CEMIP: variants seen among roughly 807,000 people sequenced by gnomAD.
CEMIP encodes cell migration inducing hyaluronidase 1, also known as cell migration-inducing and hyaluronan-binding protein.
A neutral mutation model predicts 156.9 loss-of-function variants in CEMIP; 105 were observed. The observed-to-expected ratio is 0.67, with a 90% confidence interval of 0.57 to 0.79. CEMIP has a LOEUF of 0.79. Among genes scored for constraint, CEMIP ranks in the 30% least tolerant of loss-of-function variants. The pLI is 0.00. For synonymous variants in CEMIP, 676 were observed against 668.4 expected, an observed-to-expected ratio of 1.01 and a Z score of -0.17; for missense variants, 1,457 against 1,769.4, an observed-to-expected ratio of 0.82 and a Z score of 3.17.
At chr15:80,938,067 T>A (rs1194452113) in intron 25 of CEMIP, 88 bp downstream of exon 25, 1 of 1,082,444 alleles carries the variant, frequency 9.2e-7, no homozygotes, top group Non-Finnish European at 1.4e-6. Flanking sequence ...AACAGCCATG[T>A]AGTTAATGCC....
At chr15:80,791,785 C>A (rs541072894) in intron 1 of CEMIP, among the ~76,000 whole-genome samples, 2 of 152,182 alleles carry the variant, frequency 1.3e-5, no homozygotes, top group Non-Finnish European at 2.9e-5. Context: ...ACATTTCTAA[C>A]TGCCTTGTTG....
intron 1 of CEMIP, among the ~76,000 whole-genome samples, chr15:80,815,972 T>A (rs917489318): frequency 1.3e-5 from 2 of 152,216 alleles, no homozygotes; most frequent in Non-Finnish European, 2.9e-5. Context: ...ATGAGTCCAT[T>A]ACCGGTGCCC....
chr15:80,943,062 C>A lies in CEMIP; in HGVS notation c.3817C>A (p.Pro1273Thr), dbSNP rs887351615. The A allele has an allele frequency of 1.9e-6, 3 of 1,614,120 alleles. No individual in the cohort carries two copies. The highest frequency in any genetic ancestry group is 2.5e-6 in the Non-Finnish European group (3 of 1,180,058). Residue 1273 changes from proline (P) to threonine (T), a missense_variant, in exon 28 of 30, where the codon CCA becomes ACA. Physicochemically the swap from Pro to Thr is conservative, Grantham distance 38 (BLOSUM62 -1). Transcript: ENST00000394685. ...SFRNSILQGI[P>T]WQLFNYVATI... is the part of the protein sequence containing the mutation. ...CAGGAACTCCATTCTGCAAGGCATA[C>A]CATGGCAGCTTTTCAACTATGTGGC... is the stretch of plus-strand genomic sequence containing the variant.
intron 12 of CEMIP, chr15:80,903,205 T>C (rs991687402): frequency 6.6e-6 from 1 of 152,272 alleles, no homozygotes; most frequent in Non-Finnish European, 1.5e-5. Flanking sequence ...TTAAGGTGGA[T>C]GCTGGCAAGT....
At chr15:80,866,949 GAGA>G (rs1356642606) in intron 1 of CEMIP, among the ~76,000 whole-genome samples, 1 of 152,088 alleles carries the variant, frequency 6.6e-6, no homozygotes, top group Non-Finnish European at 1.5e-5. Flanking sequence ...CAGAGTGACA[GAGA>G]AGATGACATG....
chr15:80,836,867 C>A (rs1243282217), intron 1 of CEMIP, among the ~76,000 whole-genome samples: 1 of 152,224 alleles, frequency 6.6e-6, no homozygotes, highest in East Asian at 1.9e-4. Flanking sequence ...TGCAGCAAGG[C>A]AGAATAATGT....
intron 1 of CEMIP, among the ~76,000 whole-genome samples, chr15:80,821,120 C>T (rs567643637): frequency 3.3e-5 from 5 of 152,356 alleles, no homozygotes; most frequent in Admixed American, 2.6e-4. Flanking sequence ...CTTCACTCAT[C>T]TGCTGGCCCC....
At chr15:80,846,498 G>A (rs1029653701) in intron 1 of CEMIP, among the ~76,000 whole-genome samples, 30 of 152,188 alleles carry the variant, frequency 2.0e-4, no homozygotes, top group African/African-American at 7.0e-4. Flanking sequence ...TCATGTGCTT[G>A]GCCGTCTGGG....
At chr15:80,900,533 C>T (rs538073668) in intron 12 of CEMIP, among the ~76,000 whole-genome samples, 35 of 150,544 alleles carry the variant, frequency 2.3e-4, no homozygotes, top group Non-Finnish European at 3.5e-4. Flanking sequence ...CTGTGAGGCC[C>T]CCATGAAAAC....
chr15:80,782,784 T>C (rs879529387), intron 1 of CEMIP, among the ~76,000 whole-genome samples: 40 of 152,242 alleles, frequency 2.6e-4, no homozygotes, highest in Middle Eastern at 3.2e-3. Flanking sequence ...GCTCAGAATC[T>C]TTCTATGAGA....
intron 1 of CEMIP, among the ~76,000 whole-genome samples, chr15:80,861,902 C>T (rs1897996105): frequency 6.6e-6 from 1 of 152,226 alleles, no homozygotes; most frequent in Non-Finnish European, 1.5e-5. Context: ...AGAGGCTCAT[C>T]TTACCTTTGA....
At chr15:80,810,990 T>C (rs898829199) in intron 1 of CEMIP, among the ~76,000 whole-genome samples, 1 of 152,130 alleles carries the variant, frequency 6.6e-6, no homozygotes, top group Admixed American at 6.6e-5. Context: ...AACCTACCCA[T>C]CACGCAGACA....
chr15:80,908,324 A>G (rs1899891783), intron 13 of CEMIP, among the ~76,000 whole-genome samples: 1 of 152,212 alleles, frequency 6.6e-6, no homozygotes, highest in Admixed American at 6.5e-5. Context: ...ACAGCTCTCC[A>G]GGGCCGCTAC....
intron 1 of CEMIP, among the ~76,000 whole-genome samples, chr15:80,842,479 C>T (rs8027590): frequency 1.7e-3 from 254 of 152,242 alleles, no homozygotes; most frequent in African/African-American, 5.6e-3. Context: ...CACCTGTACT[C>T]CCAGAACTTT....
intron 1 of CEMIP, among the ~76,000 whole-genome samples, chr15:80,832,252 A>T (rs923171660): frequency 6.7e-6 from 1 of 150,284 alleles, no homozygotes; most frequent in Admixed American, 6.6e-5. Context: ...TCACTCTTTG[A>T]TCTATGTTGC....
intron 12 of CEMIP, among the ~76,000 whole-genome samples, chr15:80,904,588 A>C (rs1290797182): frequency 2.0e-5 from 3 of 152,188 alleles, no homozygotes; most frequent in African/African-American, 7.2e-5. Flanking sequence ...AGGGTCCTTA[A>C]AAGAGGGACA....
intron 1 of CEMIP, among the ~76,000 whole-genome samples, chr15:80,801,922 A>G (rs1896387375): frequency 6.6e-6 from 1 of 152,240 alleles, no homozygotes; most frequent in South Asian, 2.1e-4. Flanking sequence ...ATTATAAGTA[A>G]TCTAGAGATG....
At chr15:80,940,380 G>C (rs1031749457) in intron 25 of CEMIP, among the ~76,000 whole-genome samples, 2 of 152,224 alleles carry the variant, frequency 1.3e-5, no homozygotes, top group African/African-American at 4.8e-5. Context: ...TAAGTTTTGT[G>C]CAGAAGCCTC....
chr15:80,838,803 C>T (rs1413240448), intron 1 of CEMIP, among the ~76,000 whole-genome samples: 1 of 152,176 alleles, frequency 6.6e-6, no homozygotes, highest in Non-Finnish European at 1.5e-5. Flanking sequence ...TGCAGACGAG[C>T]ACACTGAGGT....
Sources: allele counts gnomAD v4.1 joint callset (sites outside exome capture counted in the v4.1 genomes callset), GRCh38; gene constraint gnomAD v4.1.1; transcripts MANE v1.5; gene names NCBI Gene and HGNC (gene_info 2026-07-23, HGNC 2026-07-21).